GALNTL6: variants seen among roughly 807,000 people sequenced by gnomAD.
GALNTL6 encodes polypeptide N-acetylgalactosaminyltransferase like 6.
In GALNTL6, 46 loss-of-function variants were observed where a neutral mutation model predicts 73.7. The observed-to-expected ratio is 0.62, with a 90% CI of 0.49 to 0.80. The LOEUF (loss-of-function observed/expected upper bound fraction) is 0.80, where lower values mean the gene tolerates loss of function less well. Ranked by LOEUF, GALNTL6 falls within the 30% of genes least tolerant of loss-of-function variation. The pLI, the probability that GALNTL6 is intolerant of heterozygous loss-of-function variation, is 0.00. For missense variants in GALNTL6, 604 were observed against 755.0 expected, an observed-to-expected ratio of 0.80 and a Z score of 2.34; for synonymous variants, 259 against 263.7, an observed-to-expected ratio of 0.98 and a Z score of 0.17.
At chr4:172,498,219 ACCTCGTGATCCATCTG>A (rs574597868) in intron 5 of GALNTL6, among the ~76,000 whole-genome samples, 248 of 151,664 alleles carry the variant, frequency 1.6e-3, no homozygotes, top group Non-Finnish European at 2.6e-3. Flanking sequence ...CTATCTCTTG[ACCTCGTGATCCATCTG>A]CCTCAACCTC....
At chr4:172,164,012 G>T (rs549859433) in intron 2 of GALNTL6, among the ~76,000 whole-genome samples, 1 of 151,998 alleles carries the variant, frequency 6.6e-6, no homozygotes, top group East Asian at 1.9e-4. Context: ...TTAACTTTAT[G>T]CAGCATAAGG....
At chr4:171,918,497 C>T (rs1578971106) in intron 2 of GALNTL6, among the ~76,000 whole-genome samples, 3 of 151,928 alleles carry the variant, frequency 2.0e-5, no homozygotes, top group South Asian at 2.1e-4. Flanking sequence ...ACAGTGTTAC[C>T]GAGATCTTTC....
intron 3 of GALNTL6, among the ~76,000 whole-genome samples, chr4:172,259,451 A>AT (rs1466091368): frequency 7.1e-6 from 1 of 141,266 alleles, no homozygotes; most frequent in African/African-American, 2.6e-5. Flanking sequence ...TGATGGGATT[A>AT]TTTGTTTTTT....
At chr4:172,254,167 T>C (rs954718824) in intron 3 of GALNTL6, among the ~76,000 whole-genome samples, 1 of 151,836 alleles carries the variant, frequency 6.6e-6, no homozygotes, top group African/African-American at 2.4e-5. Flanking sequence ...GGATCATAGC[T>C]GCATTCACAC....
intron 5 of GALNTL6, among the ~76,000 whole-genome samples, chr4:172,757,956 A>C (rs767040817): frequency 3.9e-5 from 6 of 152,226 alleles, no homozygotes; most frequent in Admixed American, 6.5e-5. Flanking sequence ...CCGAAGTTCT[A>C]TAGTGGTGTT....
chr4:172,241,892 C>T (rs1737445944), intron 3 of GALNTL6, among the ~76,000 whole-genome samples: 1 of 152,168 alleles, frequency 6.6e-6, no homozygotes, highest in Non-Finnish European at 1.5e-5. Flanking sequence ...CTGCACCTCT[C>T]AGCTGTACAT....
At chr4:172,208,510 C>T (rs1363191027) in intron 2 of GALNTL6, among the ~76,000 whole-genome samples, 2 of 152,078 alleles carry the variant, frequency 1.3e-5, no homozygotes, top group Non-Finnish European at 2.9e-5. Context: ...AAGGCCTTCT[C>T]ACATTTGTAT....
intron 2 of GALNTL6, among the ~76,000 whole-genome samples, chr4:172,102,893 G>A (rs892176234): frequency 6.6e-6 from 1 of 152,138 alleles, no homozygotes; most frequent in Non-Finnish European, 1.5e-5. Flanking sequence ...CTAAGAAGAG[G>A]GAGAGATGTA....
intron 5 of GALNTL6, among the ~76,000 whole-genome samples, chr4:172,521,429 T>C (rs1226420958): frequency 6.6e-6 from 1 of 152,132 alleles, no homozygotes; most frequent in Non-Finnish European, 1.5e-5. Context: ...TAAAGGCAAA[T>C]CCAGAACTAT....
Position 171,967,743 on chromosome 4 carries a change from T to C in GALNTL6, c.138+153025T>C, listed in dbSNP as rs556692270. Among the ~76,000 whole-genome samples the C allele has an allele frequency of 2.0e-3, 309 of 152,342 alleles. 1 individual carries two copies. Among genetic ancestry groups the C allele is most frequent in the Non-Finnish European group, 3.3e-3 (224 of 68,034 alleles). On this transcript the variant is annotated intron_variant, in intron 2 of 12. Coordinates refer to ENST00000506823, the MANE Select transcript of GALNTL6 (RefSeq NM_001034845.3). ...TTCGTGACATTTAGGTTACAACCTATTTGAATTTTTTTCCCCCATTAAAAG... is the reference window on the plus strand; with the variant it reads ...TTCGTGACATTTAGGTTACAACCTACTTGAATTTTTTTCCCCCATTAAAAG...
At chr4:172,857,629 A>G (rs1376578189) in intron 7 of GALNTL6, among the ~76,000 whole-genome samples, 1 of 152,196 alleles carries the variant, frequency 6.6e-6, no homozygotes, top group Non-Finnish European at 1.5e-5. Context: ...GGGTCACTTA[A>G]TTGACATATC....
chr4:173,010,590 T>TTTTGG (rs1416835992), intron 11 of GALNTL6, among the ~76,000 whole-genome samples: 1 of 151,978 alleles, frequency 6.6e-6, no homozygotes, highest in Non-Finnish European at 1.5e-5. Flanking sequence ...TTGTTGTTTT[T>TTTTGG]TTTGTTTTGT....
chr4:172,813,093 A>G (rs1404188301), intron 6 of GALNTL6, among the ~76,000 whole-genome samples: 3 of 152,200 alleles, frequency 2.0e-5, no homozygotes, highest in Non-Finnish European at 4.4e-5. Flanking sequence ...TTATGAAATT[A>G]GATGCTACAA....
chr4:171,843,175 G>T (rs913381964), intron 2 of GALNTL6, among the ~76,000 whole-genome samples: 25 of 151,940 alleles, frequency 1.6e-4, no homozygotes, highest in Non-Finnish European at 5.9e-5. Context: ...AAATTTCTTG[G>T]TAGCTCATAT....
At chr4:172,381,230 C>G (rs1328840698) in intron 5 of GALNTL6, among the ~76,000 whole-genome samples, 1 of 152,134 alleles carries the variant, frequency 6.6e-6, no homozygotes, top group East Asian at 1.9e-4. Flanking sequence ...TCCTTTAAAG[C>G]TATTTCCTTT....
intron 2 of GALNTL6, among the ~76,000 whole-genome samples, chr4:171,828,291 T>C (rs1734877568): frequency 6.6e-6 from 1 of 152,194 alleles, no homozygotes; most frequent in Non-Finnish European, 1.5e-5. Flanking sequence ...GAGCAGTTCA[T>C]CTGTCTAGTA....
chr4:172,737,728 T>C (rs757356721), intron 5 of GALNTL6, among the ~76,000 whole-genome samples: 7 of 152,190 alleles, frequency 4.6e-5, no homozygotes, highest in Non-Finnish European at 1.0e-4. Flanking sequence ...TTTATTCCAG[T>C]TGTCTCTGTC....
chr4:172,754,442 C>T (rs1737622218), intron 5 of GALNTL6, among the ~76,000 whole-genome samples: 1 of 152,032 alleles, frequency 6.6e-6, no homozygotes, highest in Non-Finnish European at 1.5e-5. Context: ...TGTGATGGTG[C>T]ATGCCTGTAA....
chr4:172,962,966 C>T (rs1331176509), intron 10 of GALNTL6, among the ~76,000 whole-genome samples: 1 of 152,032 alleles, frequency 6.6e-6, no homozygotes, highest in Non-Finnish European at 1.5e-5. Flanking sequence ...GAGACGAGGC[C>T]ACCACTCCTC....
Sources: gnomAD v4.1 joint callset for allele counts (sites outside exome capture counted in the v4.1 genomes callset) on GRCh38, gnomAD v4.1.1 for gene constraint, MANE v1.5 for transcripts, NCBI Gene and HGNC (gene_info 2026-07-23, HGNC 2026-07-21) for gene names.